The following CSMD1 variants were observed in gnomAD, a reference collection of about 807,000 sequenced individuals.
The protein encoded by CSMD1 is CUB and sushi domain-containing protein 1.
In CSMD1, 213 loss-of-function variants were observed where a neutral mutation model predicts 417.5. That is an observed-to-expected ratio of 0.51 (90% CI 0.46 to 0.57). CSMD1 has a LOEUF of 0.57. Ranked by LOEUF, CSMD1 falls within the 20% of genes least tolerant of loss-of-function variation. The probability of loss-of-function intolerance (pLI) is 0.00; values close to 1 mark genes in which losing one functional copy is unlikely to be tolerated. For synonymous variants in CSMD1, 2,862 were observed against 1,736.8 expected, an observed-to-expected ratio of 1.65 and a Z score of -16.11; for missense variants, 6,923 against 4,529.7, an observed-to-expected ratio of 1.53 and a Z score of -15.17.
chr8:4,250,936 C>T (rs1803026675), intron 3 of CSMD1, among the ~76,000 whole-genome samples: 1 of 152,112 alleles, frequency 6.6e-6, no homozygotes, highest in Non-Finnish European at 1.5e-5. Flanking sequence ...GAGCTCTTTT[C>T]TTCAGATGAC....
chr8:4,828,651 G>A (rs1257048625), intron 1 of CSMD1, among the ~76,000 whole-genome samples: 1 of 152,098 alleles, frequency 6.6e-6, no homozygotes, highest in Non-Finnish European at 1.5e-5. Flanking sequence ...TACTCGGCAT[G>A]GGGTTGGCAA....
chr8:3,161,025 A>G (rs919454001), intron 38 of CSMD1, among the ~76,000 whole-genome samples: 2 of 152,216 alleles, frequency 1.3e-5, no homozygotes, highest in African/African-American at 4.8e-5. Flanking sequence ...TTTAAAACCT[A>G]TCAGTGTCAG....
At chr8:3,460,875 A>G (rs1424806080) in intron 12 of CSMD1, among the ~76,000 whole-genome samples, 3 of 152,176 alleles carry the variant, frequency 2.0e-5, no homozygotes, top group African/African-American at 7.2e-5. Flanking sequence ...TCTAGAAGCA[A>G]AGAGCTAAGC....
chr8:4,522,110 G>A (rs1452308736), intron 2 of CSMD1, among the ~76,000 whole-genome samples: 2 of 152,146 alleles, frequency 1.3e-5, no homozygotes, highest in African/African-American at 4.8e-5. Context: ...GTTGTGGGAG[G>A]AGCCTGGGGG....
intron 12 of CSMD1, among the ~76,000 whole-genome samples, chr8:3,458,462 A>G (rs1816294134): frequency 2.0e-5 from 3 of 152,344 alleles, no homozygotes; most frequent in Middle Eastern, 3.4e-3. Flanking sequence ...GAATGTCAGC[A>G]TATCTTCATA....
chr8:3,748,647 A>G (rs1797171927), intron 6 of CSMD1, among the ~76,000 whole-genome samples: 1 of 152,220 alleles, frequency 6.6e-6, no homozygotes, highest in Non-Finnish European at 1.5e-5. Flanking sequence ...TGCATTTCAA[A>G]TCTCAGAAAA....
intron 6 of CSMD1, among the ~76,000 whole-genome samples, chr8:3,717,603 T>C (rs928087694): frequency 6.6e-6 from 1 of 152,196 alleles, no homozygotes; most frequent in Non-Finnish European, 1.5e-5. Context: ...TGTAACTGTG[T>C]AAACCCATCA....
chr8:3,553,544 G>C (rs905623204), intron 10 of CSMD1, among the ~76,000 whole-genome samples: 9 of 152,152 alleles, frequency 5.9e-5, no homozygotes, highest in African/African-American at 1.4e-4. Flanking sequence ...CCGTGGCACA[G>C]ACTTGGAATA....
intron 1 of CSMD1, among the ~76,000 whole-genome samples, chr8:4,884,794 C>A (rs1803633318): frequency 1.3e-5 from 2 of 152,050 alleles, no homozygotes; most frequent in African/African-American, 4.8e-5. Flanking sequence ...ATTTGGGAAG[C>A]ATGAGTTCTC....
chr8:4,754,876 C>T (rs1811571374), intron 1 of CSMD1, among the ~76,000 whole-genome samples: 1 of 151,256 alleles, frequency 6.6e-6, no homozygotes, highest in African/African-American at 2.4e-5. Flanking sequence ...TGGTGGTTCA[C>T]ACCTGTAATC....
intron 1 of CSMD1, among the ~76,000 whole-genome samples, chr8:4,846,742 C>T (rs562581631): frequency 2.6e-4 from 40 of 152,280 alleles, no homozygotes; most frequent in African/African-American, 9.4e-4. Flanking sequence ...CTTAATCTTG[C>T]TTCCCAGGTC....
At position 3,754,057 on chromosome 8, in the gene CSMD1, G is replaced by T. The variant is rs543258309; in HGVS notation, c.819-15C>A. 6.3e-7 allele frequency: 1 copy of T among 1,579,318 alleles called. No individual in the cohort carries two copies. ...TGCCAGTTAGCCTAGAGAAGAGAAAGAGGAAAAAAATCTCCCTTGTAAACC... is the reference window on the plus strand; with the variant it reads ...TGCCAGTTAGCCTAGAGAAGAGAAATAGGAAAAAAATCTCCCTTGTAAACC... On this transcript the variant is annotated splice_polypyrimidine_tract_variant and intron_variant, in intron 5 of 69. Transcript: ENST00000635120.
At chr8:4,301,898 G>C (rs1024519095) in intron 3 of CSMD1, among the ~76,000 whole-genome samples, 6 of 151,986 alleles carry the variant, frequency 3.9e-5, no homozygotes, top group African/African-American at 7.3e-5. Context: ...CTCACTTCAA[G>C]TTTATTAGAA....
chr8:3,565,566 C>A (rs1218444161), intron 10 of CSMD1, among the ~76,000 whole-genome samples: 2 of 152,144 alleles, frequency 1.3e-5, no homozygotes, highest in African/African-American at 4.8e-5. Context: ...ACTTCAAATG[C>A]AAGTGAATGC....
intron 3 of CSMD1, among the ~76,000 whole-genome samples, chr8:4,339,692 T>A (rs528215660): frequency 6.6e-6 from 1 of 152,010 alleles, no homozygotes; most frequent in South Asian, 2.1e-4. Flanking sequence ...AGTTTCCAGG[T>A]TTGAGTGAGT....
intron 3 of CSMD1, among the ~76,000 whole-genome samples, chr8:4,075,341 C>G (rs1440243693): frequency 6.6e-6 from 1 of 151,892 alleles, no homozygotes; most frequent in Admixed American, 6.6e-5. Context: ...GAATATAGAG[C>G]TCTCTAAGAT....
chr8:3,462,325 G>A (rs534259994), intron 12 of CSMD1, among the ~76,000 whole-genome samples: 3 of 152,128 alleles, frequency 2.0e-5, no homozygotes, highest in Non-Finnish European at 2.9e-5. Context: ...TAAGGCAAGG[G>A]TTCCCAACCC....
rs1198467440 is a variant in CSMD1 at position 3,348,100 on chromosome 8, G to A, written c.3366C>T (p.Ser1122=). Residue 1122 remains serine, a synonymous_variant, in exon 22 of 70, where the codon TCC becomes TCT. Transcript: ENST00000635120. ...TACACTCATGGTTATTATCATAATT[G>A]GATGGAAAATTTGGAGACAGTAATG... is the stretch of plus-strand genomic sequence containing the variant. ...EGTLLSPNFP[S]NYDNNHECIY... 2 of 1,612,350 alleles carry A rather than the reference G, an allele frequency of 1.2e-6. No homozygotes were observed. Among genetic ancestry groups the A allele is most frequent in the Non-Finnish European group, 1.7e-6 (2 of 1,179,122 alleles).
chr8:3,420,756 C>T (rs1484417578), intron 12 of CSMD1, among the ~76,000 whole-genome samples: 2 of 152,150 alleles, frequency 1.3e-5, no homozygotes, highest in South Asian at 2.1e-4. Flanking sequence ...TTATGGAATA[C>T]TAAGACTTTG....
Sources: gnomAD v4.1 joint callset for allele counts (sites outside exome capture counted in the v4.1 genomes callset) on GRCh38, gnomAD v4.1.1 for gene constraint, MANE v1.5 for transcripts, NCBI Gene and HGNC (gene_info 2026-07-23, HGNC 2026-07-21) for gene names.